The following ABCA5 variants were observed in gnomAD, a reference collection of about 807,000 sequenced individuals.
The protein encoded by ABCA5 is ATP binding cassette subfamily A member 5.
A neutral mutation model predicts 206.0 loss-of-function variants in ABCA5; 163 were observed. The observed-to-expected ratio is 0.79, with a 90% CI of 0.70 to 0.90. The LOEUF (loss-of-function observed/expected upper bound fraction) is 0.90, where lower values mean the gene tolerates loss of function less well. Among genes scored for constraint, ABCA5 ranks in the 40% least tolerant of loss-of-function variants. The probability of loss-of-function intolerance (pLI) is 0.00; values close to 1 mark genes in which losing one functional copy is unlikely to be tolerated. For synonymous variants in ABCA5, 609 were observed against 613.8 expected (o/e 0.99, Z 0.11); for missense variants, 1,859 against 1,912.9 (o/e 0.97, Z 0.53).
chr17:69,287,688 G>T lies in ABCA5; in HGVS notation c.1966C>A (p.Leu656Ile). The part of the protein sequence containing the change: ...DPCSRHIVWN[L>I]LKYRKANRVT... ...CGATTGGCTTTTCTGTATTTTAAAA[G>T]ATTCCATACAATATGTCGAGAACAG... Residue 656 changes from leucine to isoleucine, a missense_variant, in exon 15 of 39, where the codon CTT (leucine) becomes ATT (isoleucine). Physicochemically the swap from Leu to Ile is conservative, Grantham distance 5. Transcript: ENST00000392676. The T allele has an allele frequency of 6.2e-7, 1 of 1,613,948 alleles. No individual in the cohort carries two copies. The highest frequency in any genetic ancestry group is 1.1e-5 in the South Asian group (1 of 91,070).
In ABCA5 at chr17:69,270,758, T is replaced by TA; in HGVS notation, c.2893-9dup. The TA allele has an allele frequency of 1.9e-5, 29 of 1,520,574 alleles. No homozygotes were observed. Among genetic ancestry groups the TA allele is most frequent in the East Asian group, 9.6e-5 (4 of 41,826 alleles). 94.2% of individuals were successfully genotyped at this position (1,520,574 alleles called of 1,614,324 possible). ...AGCTGCAAAAACATAGTCCTACAAT[T>TA]AAAAAAAAGACACTTATTACATACT... On this transcript the variant is annotated splice_polypyrimidine_tract_variant and intron_variant, in intron 21 of 38. Transcript: ENST00000392676.
chr17:69,287,486 T>G (rs948944610), intron 15 of ABCA5, 127 bp downstream of exon 15: 1 of 1,309,740 alleles, frequency 7.6e-7, no homozygotes, highest in South Asian at 2.0e-5. Flanking sequence ...TTTTAGAACT[T>G]TTTTTGTGAA....
chr17:69,316,561 T>A (rs2075817946), intron 1 of ABCA5, among the ~76,000 whole-genome samples: 1 of 148,012 alleles, frequency 6.8e-6, no homozygotes, highest in Non-Finnish European at 1.5e-5. Context: ...TTATCAGATT[T>A]ATAAAAGGAG....
intron 8 of ABCA5, among the ~76,000 whole-genome samples, chr17:69,302,149 G>C (rs2075658925): frequency 6.6e-6 from 1 of 151,988 alleles, no homozygotes; most frequent in South Asian, 2.1e-4. Context: ...CCAAATTCAT[G>C]TTCCACTACA....
In ABCA5 at chr17:69,260,367, A is replaced by C. The variant is rs773475445; in HGVS notation, c.3610T>G (p.Trp1204Gly). ...VRKNVDTYNP[W>G]DRLSVAVISP... ...ATAACAGCTACTGAAAGCCTATCCC[A>C]TGGATTATAGGTGTCCACATTTTTT... is the stretch of plus-strand genomic sequence containing the variant. Residue 1204 changes from tryptophan (W) to glycine (G), a missense_variant, in exon 27 of 39, where the codon TGG (tryptophan) becomes GGG (glycine). Physicochemically the swap from Trp to Gly is radical, Grantham distance 184. Transcript: ENST00000392676. The C allele has an allele frequency of 3.7e-6, 6 of 1,608,074 alleles. No homozygotes were observed. The South Asian group carries it at 5.5e-5, about 15-fold the overall frequency.
rs34065708 is a variant in ABCA5, at chr17:69,285,708, T to TAA, written c.2272+188_2272+189dup. On this transcript the variant is annotated intron_variant, in intron 17 of 38. Transcript: ENST00000392676. Reference sequence around the variant, plus strand: ...GTTACAGTTTCTTGCATGGTGTTTGTAAAAAAAAAAATTTTGCTGTGTTTT... The same window carrying TAA: ...GTTACAGTTTCTTGCATGGTGTTTGTAAAAAAAAAAAAATTTTGCTGTGTTTT... Among the ~76,000 whole-genome samples the TAA allele has an allele frequency of 6.7e-5, 10 of 149,082 alleles. No individual in the cohort carries two copies. In the South Asian group the frequency reaches 1.5e-3, roughly 22 times the overall value.
At position 69,260,393 on chromosome 17, in the gene ABCA5, C is replaced by T. The variant is rs370220843; in HGVS notation, c.3584G>A (p.Arg1195Gln). Reference sequence around the variant, plus strand: ...TGGATTATAGGTGTCCACATTTTTTCGTACATTCTTCCAAGAAATCTAAGA... The same window carrying T: ...TGGATTATAGGTGTCCACATTTTTTTGTACATTCTTCCAAGAAATCTAAGA... Reference protein sequence around the residue: ...SFIKISWKNVRKNVDTYNPWD... With the variant: ...SFIKISWKNVQKNVDTYNPWD... Residue 1195 changes from arginine to glutamine, a missense_variant, in exon 27 of 39, where the codon CGA becomes CAA. Coordinates refer to ENST00000392676, the MANE Select transcript of ABCA5 (RefSeq NM_172232.4). 6.9e-5 allele frequency: 110 copies of T among 1,605,648 alleles called. No homozygotes were observed. The highest frequency in any genetic ancestry group is 6.6e-5 in the Non-Finnish European group (78 of 1,174,608).
In ABCA5 at chr17:69,294,723, A is replaced by C. The variant is rs753742163; in HGVS notation, c.1437-10T>G. Reference sequence around the variant, plus strand: ...CTGAATACCACTAATTCTGAAATATAAAGTTTTATATTTTAAGTATTTAAA... The same window carrying C: ...CTGAATACCACTAATTCTGAAATATCAAGTTTTATATTTTAAGTATTTAAA... On this transcript the variant is annotated splice_polypyrimidine_tract_variant and intron_variant, in intron 10 of 38. Coordinates refer to ENST00000392676, the MANE Select transcript of ABCA5 (RefSeq NM_172232.4). 13 of 1,572,208 alleles carry C rather than the reference A, an allele frequency of 8.3e-6. No homozygotes were observed. The East Asian group carries it at 2.5e-4, about 30-fold the overall frequency.
At chr17:69,260,713 G>A (rs1179282928) in intron 26 of ABCA5, among the ~76,000 whole-genome samples, 1 of 151,796 alleles carries the variant, frequency 6.6e-6, no homozygotes, top group African/African-American at 2.4e-5. Context: ...TAATCACATG[G>A]AAATTTCTTT....
At chr17:69,291,115 T>G (rs2075521369) in intron 12 of ABCA5, 101 bp downstream of exon 12, 1 of 623,012 alleles carries the variant, frequency 1.6e-6, no homozygotes, top group East Asian at 3.0e-5. Flanking sequence ...AGAAAACACC[T>G]TTACAGATAC....
intron 11 of ABCA5, among the ~76,000 whole-genome samples, chr17:69,294,293 C>T (rs553987861): frequency 5.3e-5 from 8 of 152,076 alleles, no homozygotes; most frequent in South Asian, 2.1e-4. Context: ...GAGGCTGAGG[C>T]GGGCGAACCA....
Position 69,244,709 on chromosome 17 carries a change from T to A in ABCA5, c.*2828A>T, listed in dbSNP as rs910440333. The A allele has an allele frequency of 2.6e-5, 4 of 151,438 alleles. No individual in the cohort carries two copies. The highest frequency in any genetic ancestry group is 5.9e-5 in the Non-Finnish European group (4 of 67,744). 9.4% of individuals were successfully genotyped at this position (151,438 alleles called of 1,614,324 possible). On this transcript the variant is annotated 3_prime_UTR_variant, in exon 39 of 39. Coordinates refer to ENST00000392676, the MANE Select transcript of ABCA5 (RefSeq NM_172232.4). ...ATTTACATGTTACACAAAAATACAGTATGGTATTTTAACAAACTCAGGGCA... is the reference window on the plus strand; with the variant it reads ...ATTTACATGTTACACAAAAATACAGAATGGTATTTTAACAAACTCAGGGCA...
intron 22 of ABCA5, among the ~76,000 whole-genome samples, chr17:69,269,299 A>C (rs1051017406): frequency 1.3e-5 from 2 of 152,200 alleles, no homozygotes; most frequent in Non-Finnish European, 2.9e-5. Context: ...GAGGGGTAAC[A>C]TGAGTTTTCA....
At chr17:69,324,099 G>T (rs1385226078) in intron 1 of ABCA5, among the ~76,000 whole-genome samples, 1 of 152,098 alleles carries the variant, frequency 6.6e-6, no homozygotes, top group Non-Finnish European at 1.5e-5. Context: ...AAAAACGTTG[G>T]TCAACTCCTG....
Position 69,251,848 on chromosome 17 carries a change from T to G in ABCA5, c.4434A>C (p.Ala1478=). The G allele has an allele frequency of 1.9e-6, 3 of 1,613,682 alleles. No homozygotes were observed. Among genetic ancestry groups the G allele is most frequent in the South Asian group, 1.1e-5 (1 of 90,936 alleles). ...KQHMWRAIRT[A]FKNRKRAAIL... is the part of the protein sequence containing the mutation. Reference sequence around the variant, plus strand: ...TAGCAGCCCGCTTTCTGTTTTTAAATGCAGTTCGAATTGCTCGCCTATAAA... The same window carrying G: ...TAGCAGCCCGCTTTCTGTTTTTAAAGGCAGTTCGAATTGCTCGCCTATAAA... Residue 1478 remains alanine (A), a synonymous_variant, in exon 35 of 39, where the codon GCA becomes GCC. Transcript: ENST00000392676.
chr17:69,256,434 CTTTTTT>C lies in ABCA5; in HGVS notation c.3732-157_3732-152del, dbSNP rs959625331. 84 of 405,062 alleles carry C rather than the reference CTTTTTT, an allele frequency of 2.1e-4. No individual in the cohort carries two copies. The Middle Eastern group carries it at 4.4e-3, about 21-fold the overall frequency. The allele number at this position is 405,062 out of a possible 1,614,324, so 25.1% of individuals were successfully genotyped here. A position where few individuals can be genotyped will look rare whatever the true frequency, so the allele number is the denominator to read the frequency against. On this transcript the variant is annotated intron_variant, in intron 28 of 38. Coordinates refer to ENST00000392676, the MANE Select transcript of ABCA5 (RefSeq NM_172232.4). ...AAAGGTGGAATTATAAGCGATATTT[CTTTTTT>C]TTTCTTTCTTTCTTTCTTTTTTTTT...
intron 2 of ABCA5, among the ~76,000 whole-genome samples, chr17:69,314,077 C>T (rs943246531): frequency 6.6e-6 from 1 of 152,044 alleles, no homozygotes; most frequent in Non-Finnish European, 1.5e-5. Flanking sequence ...GAAAATGAAG[C>T]ACAGATGTTA....
At chr17:69,299,586 A>AAGTAACTC (rs1221167243) in intron 9 of ABCA5, among the ~76,000 whole-genome samples, 1 of 152,034 alleles carries the variant, frequency 6.6e-6, no homozygotes, top group East Asian at 1.9e-4. Context: ...ATTCTAAGTA[A>AAGTAACTC]AGTAACTCAG....
chr17:69,293,833 G>GGTGGGTGTGTGTGTGT (rs1555581963), intron 11 of ABCA5, among the ~76,000 whole-genome samples: 2 of 123,726 alleles, frequency 1.6e-5, no homozygotes, highest in East Asian at 5.2e-4. Context: ...CAATCATACT[G>GGTGGGTGTGTGTGTGT]GTGTGTGTGT....
Sources: allele counts gnomAD v4.1 joint callset (sites outside exome capture counted in the v4.1 genomes callset), GRCh38; gene constraint gnomAD v4.1.1; transcripts MANE v1.5; gene names NCBI Gene and HGNC (gene_info 2026-07-23, HGNC 2026-07-21).